AKT1: variants seen among roughly 807,000 people sequenced by gnomAD.
The protein encoded by AKT1 is RAC-alpha serine/threonine-protein kinase.
In AKT1, 21 loss-of-function variants were observed where a neutral mutation model predicts 63.1. The observed-to-expected ratio is 0.33, with a 90% CI of 0.24 to 0.48. AKT1 has a LOEUF of 0.48. Ranked by LOEUF, AKT1 falls within the 20% of genes least tolerant of loss-of-function variation. The pLI is 0.99. For missense variants in AKT1, 382 were observed against 666.0 expected, an observed-to-expected ratio of 0.57 and a Z score of 4.69; for synonymous variants, 257 against 253.1, an observed-to-expected ratio of 1.02 and a Z score of -0.15.
chr14:104,771,009 C>G, intron 13 of AKT1, 162 bp from the exon 14 acceptor site: 1 of 640,192 alleles, frequency 1.6e-6, no homozygotes, highest in Non-Finnish European at 2.7e-6. Context: ...AGAGGCAGCT[C>G]TGGGAGGGAG....
chr14:104,785,512 G>A (rs897160996), intron 3 of AKT1, among the ~76,000 whole-genome samples: 5 of 152,170 alleles, frequency 3.3e-5, no homozygotes, highest in African/African-American at 9.6e-5. Context: ...GAGGACTGGC[G>A]CTCCACCTGC....
intron 2 of AKT1, 53 bp from the exon 3 acceptor site, chr14:104,792,775 T>C: frequency 8.6e-7 from 1 of 1,166,094 alleles, no homozygotes; most frequent in Non-Finnish European, 1.3e-6. Context: ...TAAGGGCAGC[T>C]CCTCGCCCTG....
rs747738213 is a variant in AKT1, at chr14:104,773,111, G to A, written c.958-19C>T. On this transcript the variant is annotated intron_variant, in intron 11 of 14. Coordinates refer to ENST00000649815, the MANE Select transcript of AKT1 (RefSeq NM_001382430.1). The stretch of plus-strand genomic sequence containing the variant: ...CCAGCACCTGCACGGGTGGCAGATG[G>A]GCAGGACTCGGCATCAAGGGGTGTC... 18 of 1,613,144 alleles carry A rather than the reference G, an allele frequency of 1.1e-5. No individual in the cohort carries two copies. In the South Asian group the frequency reaches 1.5e-4, roughly 14 times the overall value.
chr14:104,779,590 C>T (rs1446626776), intron 4 of AKT1, among the ~76,000 whole-genome samples: 1 of 99,244 alleles, frequency 1.0e-5, no homozygotes, highest in African/African-American at 5.9e-5. Context: ...GGAACTGCTC[C>T]AGGGTCAGCC....
intron 4 of AKT1, chr14:104,777,176 C>T (rs1030925153): frequency 1.3e-5 from 3 of 223,144 alleles, no homozygotes; most frequent in Non-Finnish European, 2.7e-5. Context: ...GTAGAAATGT[C>T]CTGCTTTTTT....
At chr14:104,790,585 G>A (rs1893579204) in intron 3 of AKT1, among the ~76,000 whole-genome samples, 1 of 152,222 alleles carries the variant, frequency 6.6e-6, no homozygotes, top group African/African-American at 2.4e-5. Flanking sequence ...GGAGCGGCCG[G>A]CCATGCGGGT....
chr14:104,784,498 G>A (rs749101368), intron 3 of AKT1, among the ~76,000 whole-genome samples: 2 of 152,112 alleles, frequency 1.3e-5, no homozygotes, highest in African/African-American at 2.4e-5. Context: ...CCGATGTCCC[G>A]GGTGGCCCTC....
At position 104,792,589 on chromosome 14, in the gene AKT1, G is replaced by C. The variant is rs376917061; in HGVS notation, c.46+9C>G. On this transcript the variant is annotated intron_variant, in intron 3 of 14. Transcript: ENST00000649815. ...CTCCCCAGGCCCAGCCCTGGCAGCG[G>C]GTACTAACCTCGTTTGTGCAGCCAA... is the stretch of plus-strand genomic sequence containing the variant. The C allele has an allele frequency of 1.2e-5, 19 of 1,611,994 alleles. No homozygotes were observed. The highest frequency in any genetic ancestry group is 1.5e-5 in the Non-Finnish European group (18 of 1,179,868).
At position 104,776,537 on chromosome 14, in the gene AKT1, C is replaced by T. The variant is rs949304466; in HGVS notation, c.287+122G>A. ...TTTCCAAACTGGGCTCTGAGGAGGG[C>T]CTGGGAGCACTGGGGAGTGAGGATG... is the stretch of plus-strand genomic sequence containing the variant. On this transcript the variant is annotated intron_variant, in intron 5 of 14. Transcript: ENST00000649815. 5.0e-5 allele frequency: 40 copies of T among 803,872 alleles called. No homozygotes were observed. The Admixed American group carries it at 5.9e-4, about 12-fold the overall frequency. 49.8% of individuals were successfully genotyped at this position (803,872 alleles called of 1,614,324 possible).
chr14:104,782,224 G>A (rs986071214), intron 3 of AKT1, among the ~76,000 whole-genome samples: 6 of 111,138 alleles, frequency 5.4e-5, no homozygotes, highest in Non-Finnish European at 7.3e-5. Flanking sequence ...ACGCCCACCC[G>A]CCTGCATGCC....
At chr14:104,779,902 A>G (rs1257635761) in intron 4 of AKT1, among the ~76,000 whole-genome samples, 186 bp downstream of exon 4, 1 of 147,366 alleles carries the variant, frequency 6.8e-6, no homozygotes, top group Non-Finnish European at 1.5e-5. Flanking sequence ...TTTGGGACTC[A>G]GCCCGGAGAC....
At chr14:104,786,746 C>T (rs554325335) in intron 3 of AKT1, among the ~76,000 whole-genome samples, 4 of 152,174 alleles carry the variant, frequency 2.6e-5, no homozygotes, top group Non-Finnish European at 5.9e-5. Flanking sequence ...TCTGATCCCC[C>T]GGCCTGCTGG....
Position 104,773,574 on chromosome 14 carries a change from A to G in AKT1, c.709T>C (p.Phe237Leu). The part of the protein sequence containing the change: ...MEYANGGELF[F>L]HLSRERVFSE... ...AACACACGCTCCCGGGACAGGTGGA[A>G]GAACAGCTGCGGGAGGCGCAACCTG... The change falls in exon 10 of 15, where the codon TTC becomes CTC. Residue 237 changes from phenylalanine to leucine, a missense_variant. By Grantham distance (22) the Phe-to-Leu change is conservative (BLOSUM62 0). Around this residue, in one of 3 missense-constraint regions of AKT1, gnomAD observed 226 missense variants for 366.4 expected, o/e 0.62. Coordinates refer to ENST00000649815, the MANE Select transcript of AKT1 (RefSeq NM_001382430.1). 6.2e-7 allele frequency: 1 copy of G among 1,605,736 alleles called. No homozygotes were observed. The highest frequency in any genetic ancestry group is 8.5e-7 in the Non-Finnish European group (1 of 1,176,704).
chr14:104,776,589 G>A lies in AKT1; in HGVS notation c.287+70C>T, dbSNP rs17846822. ...CTACAGGCAGAGGTGCCAGCACCCC[G>A]CCATCCCCGTGTCCCTCCTAAGCGC... is the stretch of plus-strand genomic sequence containing the variant. On this transcript the variant is annotated intron_variant, in intron 5 of 14. Coordinates refer to ENST00000649815, the MANE Select transcript of AKT1 (RefSeq NM_001382430.1). 4,180 of 1,366,040 alleles carry A rather than the reference G, an allele frequency of 3.1e-3. 52 individuals carry two copies. The highest frequency in any genetic ancestry group is 0.026 in the East Asian group (1,067 of 41,362). 84.6% of individuals were successfully genotyped at this position (1,366,040 alleles called of 1,614,324 possible).
At chr14:104,794,732 G>C (rs920825190) in intron 1 of AKT1, among the ~76,000 whole-genome samples, 1 of 152,250 alleles carries the variant, frequency 6.6e-6, no homozygotes, top group African/African-American at 2.4e-5. Flanking sequence ...GCAAGGCCGA[G>C]AGACCCAGGA....
chr14:104,780,322 C>A (rs2140951512), intron 3 of AKT1, 106 bp from the exon 4 acceptor site: 5 of 1,473,484 alleles, frequency 3.4e-6, no homozygotes, highest in South Asian at 1.3e-5. Context: ...CCTGGGATGC[C>A]TGAGTCCCAG....
At chr14:104,794,564 C>T (rs1234828969) in intron 1 of AKT1, 1 of 35,504 alleles carries the variant, frequency 2.8e-5, no homozygotes, top group Non-Finnish European at 1.0e-4. Flanking sequence ...AAAAAAAATA[C>T]TCTGTTTTCG....
chr14:104,784,869 C>G (rs1222138800), intron 3 of AKT1, among the ~76,000 whole-genome samples: 2 of 152,260 alleles, frequency 1.3e-5, no homozygotes, highest in Non-Finnish European at 1.5e-5. Context: ...GACTGACCAC[C>G]TCCTGAGCCA....
At position 104,769,520 on chromosome 14, in the gene AKT1, A is replaced by G; in HGVS notation, c.*821T>C. ...GGGATGGCCACCCCCACAGGGAGTC[A>G]GGGAGGGCCTGGGGCGACAGCGGAA... On this transcript the variant is annotated 3_prime_UTR_variant, in exon 15 of 15. Coordinates refer to ENST00000649815, the MANE Select transcript of AKT1 (RefSeq NM_001382430.1). The G allele has an allele frequency of 3.8e-6, 2 of 532,732 alleles. No individual in the cohort carries two copies. The highest frequency in any genetic ancestry group is 1.5e-5 in the South Asian group (1 of 64,992). The allele number at this position is 532,732 out of a possible 1,614,324, so 33.0% of individuals were successfully genotyped here.
Sources: gnomAD v4.1 joint callset for allele counts (sites outside exome capture counted in the v4.1 genomes callset) on GRCh38, gnomAD v4.1.1 for gene constraint, gnomAD v4.1.1 regional missense constraint, MANE v1.5 for transcripts, NCBI Gene and HGNC (gene_info 2026-07-23, HGNC 2026-07-21) for gene names.